The following TLL1 variants were observed in gnomAD, a reference collection of about 807,000 sequenced individuals.
The protein encoded by TLL1 is tolloid-like protein 1.
In TLL1, 49 loss-of-function variants were observed where a neutral mutation model predicts 128.2. That is an observed-to-expected ratio of 0.38 (90% CI 0.30 to 0.48). The LOEUF (loss-of-function observed/expected upper bound fraction) is 0.48. TLL1 is among the 20% of genes least tolerant of loss of function. TLL1 has a pLI of 0.96. For missense variants in TLL1, 1,123 were observed against 1,242.0 expected, an observed-to-expected ratio of 0.90 and a Z score of 1.44; for synonymous variants, 454 against 418.8, an observed-to-expected ratio of 1.08 and a Z score of -1.03.
rs1742410774 is a variant in TLL1 at position 166,104,131 on chromosome 4, A to G, written c.*3255A>G. On this transcript the variant is annotated 3_prime_UTR_variant, in exon 21 of 21. Transcript: ENST00000061240. ...GCTTGGTCTCTTTTATTTGGTTTGT[A>G]ATACTGCTGTATTTTTGGTGGTAAG... is the stretch of plus-strand genomic sequence containing the variant. Among the ~76,000 whole-genome samples the G allele has an allele frequency of 1.3e-5, 2 of 151,894 alleles. No homozygotes were observed. Among genetic ancestry groups the G allele is most frequent in the Non-Finnish European group, 2.9e-5 (2 of 67,890 alleles).
intron 8 of TLL1, among the ~76,000 whole-genome samples, chr4:166,024,462 T>G (rs1738396712): frequency 6.6e-6 from 1 of 152,166 alleles, no homozygotes; most frequent in Admixed American, 6.5e-5. Context: ...GAAAGAGGAC[T>G]GGCTGCAGTG....
intron 3 of TLL1, 129 bp from the exon 4 acceptor site, chr4:165,994,252 T>A: frequency 9.8e-7 from 1 of 1,023,884 alleles, no homozygotes; most frequent in Non-Finnish European, 1.5e-6. Context: ...TTTTCTTTAA[T>A]GCATTTTGAC....
intron 8 of TLL1, among the ~76,000 whole-genome samples, chr4:166,020,836 A>AT (rs112328314): frequency 0.014 from 2,148 of 152,250 alleles, 50 homozygotes; most frequent in African/African-American, 0.049. Context: ...AAATAAAGGG[A>AT]TTTTGAGGAT....
chr4:166,088,469 C>A (rs2111154779), intron 18 of TLL1, among the ~76,000 whole-genome samples: 1 of 152,066 alleles, frequency 6.6e-6, no homozygotes, highest in Non-Finnish European at 1.5e-5. Context: ...GTGTGGGTAT[C>A]TTTACTATAC....
rs1401559358 is a variant in TLL1 at position 166,102,236 on chromosome 4, CTA to C, written c.*1362_*1363del. 1 of 152,406 alleles carries C rather than the reference CTA, an allele frequency of 6.6e-6. No homozygotes were observed. Among genetic ancestry groups the C allele is most frequent in the Non-Finnish European group, 1.5e-5 (1 of 67,958 alleles). 9.4% of individuals were successfully genotyped at this position (152,406 alleles called of 1,614,324 possible). Reference sequence around the variant, plus strand: ...TAATAGTGTATGTTAATTAACAGCTCTATGAAGAAAATCCATTTCCATGACTG... The same window carrying C: ...TAATAGTGTATGTTAATTAACAGCTCTGAAGAAAATCCATTTCCATGACTG... On this transcript the variant is annotated 3_prime_UTR_variant, in exon 21 of 21. Transcript: ENST00000061240.
In TLL1 at chr4:166,078,158, T is replaced by C. The variant is rs544980788; in HGVS notation, c.2442+128T>C. 27 of 1,410,136 alleles carry C rather than the reference T, an allele frequency of 1.9e-5. No homozygotes were observed. In the East Asian group the frequency reaches 6.0e-4, roughly 31 times the overall value. The allele number at this position is 1,410,136 out of a possible 1,614,324, so 87.4% of individuals were successfully genotyped here. A position where few individuals can be genotyped will look rare whatever the true frequency, so the allele number is the denominator to read the frequency against. ...GTAGGCAGCTGGAAAAGATTTTTTGTCTCATGCTTTCCTACTTGCACTAAA... is the reference window on the plus strand; with the variant it reads ...GTAGGCAGCTGGAAAAGATTTTTTGCCTCATGCTTTCCTACTTGCACTAAA... On this transcript the variant is annotated intron_variant, in intron 18 of 20. Transcript: ENST00000061240.
At chr4:166,037,230 A>AT (rs1739046564) in intron 9 of TLL1, among the ~76,000 whole-genome samples, 1 of 152,192 alleles carries the variant, frequency 6.6e-6, no homozygotes, top group South Asian at 2.1e-4. Context: ...ACCAGGTATT[A>AT]TTTCCTAGTT....
chr4:165,989,456 C>T lies in TLL1; in HGVS notation c.245C>T (p.Thr82Met), dbSNP rs148035251. 105 of 1,612,746 alleles carry T rather than the reference C, an allele frequency of 6.5e-5. 1 individual carries two copies. Among genetic ancestry groups the T allele is most frequent in the Admixed American group, 1.8e-4 (11 of 59,884 alleles). The part of the protein sequence containing the change: ...IFQIDRTIDL[T>M]QNPFGNLGHT... The stretch of plus-strand genomic sequence containing the variant: ...CAAATAGATAGGACAATTGACCTTA[C>T]GCAGAACCCCTTTGGAAACCTTGGA... Residue 82 changes from threonine (T) to methionine (M), a missense_variant, in exon 2 of 21, where the codon ACG (threonine) becomes ATG (methionine). By Grantham distance (81) the Thr-to-Met change is moderately conservative. Coordinates refer to ENST00000061240, the MANE Select transcript of TLL1 (RefSeq NM_012464.5).
At chr4:166,017,815 G>T (rs1348781412) in intron 8 of TLL1, among the ~76,000 whole-genome samples, 1 of 151,898 alleles carries the variant, frequency 6.6e-6, no homozygotes, top group Non-Finnish European at 1.5e-5. Flanking sequence ...ACATATAGTT[G>T]TATGTTTAAG....
chr4:166,022,107 A>G (rs754062935), intron 8 of TLL1, among the ~76,000 whole-genome samples: 9 of 152,148 alleles, frequency 5.9e-5, no homozygotes, highest in Non-Finnish European at 1.0e-4. Context: ...GTTTAAATTT[A>G]CCAACTACTA....
At chr4:166,086,118 T>G (rs1404562615) in intron 18 of TLL1, among the ~76,000 whole-genome samples, 1 of 152,154 alleles carries the variant, frequency 6.6e-6, no homozygotes, top group Non-Finnish European at 1.5e-5. Flanking sequence ...CTATGTGCCC[T>G]TTGTGAGATA....
At chr4:166,079,126 C>G (rs1228467619) in intron 18 of TLL1, among the ~76,000 whole-genome samples, 1 of 152,116 alleles carries the variant, frequency 6.6e-6, no homozygotes, top group Non-Finnish European at 1.5e-5. Context: ...AATGACAGCA[C>G]TAGAGGAACT....
intron 1 of TLL1, among the ~76,000 whole-genome samples, chr4:165,909,293 G>A (rs1006470010): frequency 6.6e-6 from 1 of 152,154 alleles, no homozygotes; most frequent in Non-Finnish European, 1.5e-5. Flanking sequence ...AAATGAGGAG[G>A]CCAGGGTTGA....
intron 8 of TLL1, among the ~76,000 whole-genome samples, chr4:166,020,958 T>C (rs1358415199): frequency 1.3e-5 from 2 of 152,226 alleles, no homozygotes; most frequent in Non-Finnish European, 2.9e-5. Flanking sequence ...AGAATACTTA[T>C]ATAGAGTGTA....
chr4:166,013,370 A>G (rs1422308047), intron 7 of TLL1, among the ~76,000 whole-genome samples: 1 of 151,846 alleles, frequency 6.6e-6, no homozygotes, highest in African/African-American at 2.4e-5. Flanking sequence ...ACCTAGAACT[A>G]TTTCCTAATG....
At chr4:165,957,472 T>A (rs1254605144) in intron 1 of TLL1, among the ~76,000 whole-genome samples, 1 of 16,160 alleles carries the variant, frequency 6.2e-5, no homozygotes, top group African/African-American at 2.2e-4. Context: ...AAATTCTGGA[T>A]TTTTTTTTTT....
intron 5 of TLL1, among the ~76,000 whole-genome samples, chr4:165,996,736 C>T (rs916577609): frequency 6.6e-6 from 1 of 151,886 alleles, no homozygotes; most frequent in Non-Finnish European, 1.5e-5. Context: ...TATTTAAGGA[C>T]ATGTATTTCA....
At chr4:165,954,349 A>T (rs980750907) in intron 1 of TLL1, among the ~76,000 whole-genome samples, 1 of 152,102 alleles carries the variant, frequency 6.6e-6, no homozygotes, top group Non-Finnish European at 1.5e-5. Flanking sequence ...CAAAATGAAG[A>T]TTTTTTATGA....
chr4:166,075,286 G>A (rs893627910), intron 17 of TLL1, among the ~76,000 whole-genome samples: 3 of 152,194 alleles, frequency 2.0e-5, no homozygotes, highest in Admixed American at 2.0e-4. Flanking sequence ...CCAGGTCTTT[G>A]TGGAACAGAC....
Sources: allele counts gnomAD v4.1 joint callset (sites outside exome capture counted in the v4.1 genomes callset), GRCh38; gene constraint gnomAD v4.1.1; transcripts MANE v1.5; gene names NCBI Gene and HGNC (gene_info 2026-07-23, HGNC 2026-07-21).